Variants in EIF4E2 observed in about 807,000 individuals in gnomAD.
EIF4E2 encodes the protein eukaryotic translation initiation factor 4E type 2.
EIF4E2 carries 13 observed loss-of-function variants against 34.2 expected under a neutral mutation model. The observed-to-expected ratio is 0.38, with a 90% CI of 0.25 to 0.60. EIF4E2 has a LOEUF of 0.60. Ranked by LOEUF, EIF4E2 falls within the 20% of genes least tolerant of loss-of-function variation. The probability of loss-of-function intolerance (pLI) is 0.62; values close to 1 mark genes in which losing one functional copy is unlikely to be tolerated. For synonymous variants in EIF4E2, 100 were observed against 106.6 expected (o/e 0.94, Z 0.38); for missense variants, 222 against 315.1 (o/e 0.70, Z 2.24).
chr2:232,580,263 G>A (rs1269439419), intron 6 of EIF4E2, among the ~76,000 whole-genome samples: 1 of 152,128 alleles, frequency 6.6e-6, no homozygotes, highest in Non-Finnish European at 1.5e-5. Flanking sequence ...TGGTTGGTTT[G>A]TTGGTTGGTT....
rs946543144 is a variant in EIF4E2, at chr2:232,564,374, T to C, written c.375+23T>C. 4.7e-6 allele frequency: 7 copies of C among 1,488,500 alleles called. No homozygotes were observed. The African/African-American group carries it at 9.7e-5, about 21-fold the overall frequency. 92.2% of individuals were successfully genotyped at this position (1,488,500 alleles called of 1,614,324 possible). On this transcript the variant is annotated intron_variant, in intron 4 of 6. Transcript: ENST00000258416. ...GAGGTAAGGACTAATGGCTTCTGAC[T>C]GCTTTTTTGAGCAAGTTTGGGTTTT...
At position 232,569,091 on chromosome 2, in the gene EIF4E2, C is replaced by T; in HGVS notation, c.*74C>T. The T allele has an allele frequency of 6.3e-7, 1 of 1,579,868 alleles. No homozygotes were observed. Among genetic ancestry groups the T allele is most frequent in the South Asian group, 1.1e-5 (1 of 87,380 alleles). ...GTCTCTTGTTCTGTTGGCGTGCTAC[C>T]TGGAAGATCCTTCTGTCCTGGACAA... On this transcript the variant is annotated 3_prime_UTR_variant, in exon 7 of 7. Transcript: ENST00000258416.
chr2:232,568,914 C>T (rs756241749), intron 6 of EIF4E2, 31 bp from the exon 7 acceptor site: 2 of 1,614,074 alleles, frequency 1.2e-6, no homozygotes, highest in Non-Finnish European at 1.7e-6. Context: ...CTTTCCTCTC[C>T]CAATGAGCCA....
At chr2:232,550,765 C>G in intron 1 of EIF4E2, 21 bp downstream of exon 1, 1 of 1,558,030 alleles carries the variant, frequency 6.4e-7, no homozygotes, top group Non-Finnish European at 8.7e-7. Context: ...CGTGGCCGCC[C>G]CCGGGGCCCC....
In EIF4E2 at chr2:232,564,228, TG is replaced by T; in HGVS notation, c.271-15del. On this transcript the variant is annotated intron_variant, in intron 3 of 6. Transcript: ENST00000258416. Reference sequence around the variant, plus strand: ...AGTAAAAGACACATGTTTTTTACTCTGGGGTCTTCTCTCTGCAGGTGGAGCA... The same window carrying T: ...AGTAAAAGACACATGTTTTTTACTCTGGGTCTTCTCTCTGCAGGTGGAGCA... 1.3e-6 allele frequency: 2 copies of T among 1,541,934 alleles called. No individual in the cohort carries two copies. The highest frequency in any genetic ancestry group is 1.2e-5 in the South Asian group (1 of 83,774).
downstream of EIF4E2, among the ~76,000 whole-genome samples, chr2:232,571,145 C>T (rs72993983): frequency 0.023 from 3,535 of 152,274 alleles, 74 homozygotes; most frequent in Middle Eastern, 0.071. Context: ...CCAGCCTTTC[C>T]CCAGTCACAC....
At chr2:232,559,824 T>TAAAAAAAAAAAAAA (rs576233672) in intron 3 of EIF4E2, among the ~76,000 whole-genome samples, 2 of 115,506 alleles carry the variant, frequency 1.7e-5, no homozygotes, top group African/African-American at 7.3e-5. Flanking sequence ...ACGGGAGCAT[T>TAAAAAAAAAAAAAA]AAAAAAAAAA....
chr2:232,550,694 C>T lies in EIF4E2; in HGVS notation c.-31C>T, dbSNP rs987544902. The T allele has an allele frequency of 1.9e-6, 3 of 1,582,726 alleles. No homozygotes were observed. The highest frequency in any genetic ancestry group is 2.6e-6 in the Non-Finnish European group (3 of 1,166,030). ...GACCCGGTGGAGCGGAAGTCACTCC[C>T]TGAGGCAGTGGCGACAGCGGCGGCG... On this transcript the variant is annotated 5_prime_UTR_variant, in exon 1 of 7. Transcript: ENST00000258416.
intron 6 of EIF4E2, 66 bp downstream of exon 6, chr2:232,567,280 C>A (rs1432159830): frequency 2.5e-6 from 4 of 1,600,254 alleles, no homozygotes; most frequent in South Asian, 1.1e-5. Context: ...TGTAGTTGGG[C>A]CCAGAGGAAT....
chr2:232,550,830 C>T (rs1232810258), intron 1 of EIF4E2, 86 bp downstream of exon 1: 5 of 1,288,390 alleles, frequency 3.9e-6, no homozygotes, highest in Non-Finnish European at 5.3e-6. Context: ...CGGCGCAAAC[C>T]CTGCGGCACC....
chr2:232,571,210 C>G (rs1023585692), downstream of EIF4E2, among the ~76,000 whole-genome samples: 1 of 152,224 alleles, frequency 6.6e-6, no homozygotes, highest in Admixed American at 6.5e-5. Flanking sequence ...CACTGCCTGC[C>G]GCACAGAGCA....
At chr2:232,570,792 C>A (rs544018878), downstream of EIF4E2, among the ~76,000 whole-genome samples, 1 of 152,122 alleles carries the variant, frequency 6.6e-6, no homozygotes, top group African/African-American at 2.4e-5. Flanking sequence ...CAAAATTAGC[C>A]GGGCATAGTG....
chr2:232,581,192 G>C lies in EIF4E2; in HGVS notation c.*249G>C, dbSNP rs769344416. On this transcript the variant is annotated 3_prime_UTR_variant, in exon 7 of 7. Transcript: ENST00000409098. The surrounding 1 kb of genome is among the most constrained non-coding windows in gnomAD (Gnocchi z 5.2). Reference sequence around the variant, plus strand: ...ATTGTTTTTTAATGGGGTTCCATGGGGGGGCGTTCAGCCTTTCTGTTTGCT... The same window carrying C: ...ATTGTTTTTTAATGGGGTTCCATGGCGGGGCGTTCAGCCTTTCTGTTTGCT... The C allele has an allele frequency of 4.9e-6, 3 of 615,076 alleles. No individual in the cohort carries two copies. Among genetic ancestry groups the C allele is most frequent in the Non-Finnish European group, 9.1e-6 (3 of 328,434 alleles). 38.1% of individuals were successfully genotyped at this position (615,076 alleles called of 1,614,324 possible). A position where few individuals can be genotyped will look rare whatever the true frequency, so the allele number is the denominator to read the frequency against.
chr2:232,578,510 A>G (rs911403505), intron 6 of EIF4E2, among the ~76,000 whole-genome samples: 11 of 152,018 alleles, frequency 7.2e-5, no homozygotes, highest in Admixed American at 5.9e-4. Flanking sequence ...GCACGCCTGT[A>G]GTTCCAGCTA....
At chr2:232,555,925 G>C (rs1692501228) in intron 1 of EIF4E2, among the ~76,000 whole-genome samples, 2 of 114,444 alleles carry the variant, frequency 1.7e-5, no homozygotes, top group Admixed American at 2.1e-4. Flanking sequence ...GAGAGTGAGA[G>C]ATTTGTGTCA....
downstream of EIF4E2, among the ~76,000 whole-genome samples, chr2:232,573,449 G>A (rs1035934603): frequency 6.6e-6 from 1 of 152,272 alleles, no homozygotes; most frequent in African/African-American, 2.4e-5. Context: ...CAGCTCCCCT[G>A]AGAAAACTTG....
In EIF4E2 at chr2:232,581,323, A is replaced by G. The variant is rs1476503974; in HGVS notation, c.*380A>G. ...GCCAGAGCTGTTGATGAGAGTTACC[A>G]GTATTATGAATGTCTGTGCATCCAG... On this transcript the variant is annotated 3_prime_UTR_variant, in exon 7 of 7. Coordinates refer to the EIF4E2 transcript ENST00000409098. This position sits in a 1 kb window ranked among gnomAD's most constrained non-coding sequence, Gnocchi z 5.2. 4 of 368,892 alleles carry G rather than the reference A, an allele frequency of 1.1e-5. No individual in the cohort carries two copies. Among genetic ancestry groups the G allele is most frequent in the Admixed American group, 3.9e-5 (1 of 25,794 alleles). 22.9% of individuals were successfully genotyped at this position (368,892 alleles called of 1,614,324 possible).
At chr2:232,560,302 G>A (rs1203562984) in intron 3 of EIF4E2, among the ~76,000 whole-genome samples, 2 of 152,200 alleles carry the variant, frequency 1.3e-5, no homozygotes, top group East Asian at 1.9e-4. Flanking sequence ...TCCAGGTGCA[G>A]AAGAATGAAT....
At position 232,566,179 on chromosome 2, in the gene EIF4E2, T is replaced by C. The variant is rs193256330; in HGVS notation, c.376-650T>C. The stretch of plus-strand genomic sequence containing the variant: ...AGTCAGTACTTTTTTTTGTCGTCGT[T>C]GTTGTTTTGTTTTGTTTTGTTTTTT... On this transcript the variant is annotated intron_variant, in intron 4 of 6. Coordinates refer to ENST00000258416, the MANE Select transcript of EIF4E2 (RefSeq NM_004846.4). The surrounding 1 kb of genome is among the most constrained non-coding windows in gnomAD (Gnocchi z 4.9). Among the ~76,000 whole-genome samples, 271 of 151,330 alleles carry C rather than the reference T, an allele frequency of 1.8e-3. 2 individuals are homozygous for C. Among genetic ancestry groups the C allele is most frequent in the East Asian group, 0.013 (67 of 5,052 alleles).
Sources: gnomAD v4.1 joint callset for allele counts (sites outside exome capture counted in the v4.1 genomes callset) on GRCh38, gnomAD v4.1.1 for gene constraint, Gnocchi (gnomAD v3.1) non-coding constraint, MANE v1.5 for transcripts, NCBI Gene and HGNC (gene_info 2026-07-23, HGNC 2026-07-21) for gene names.